ARX: variants seen among roughly 807,000 people sequenced by gnomAD.
ARX encodes aristaless related homeobox, also known as homeobox protein ARX.
In ARX, 1 loss-of-function variant was observed where a neutral mutation model predicts 23.1. That is an observed-to-expected ratio of 0.04 (90% CI 0.02 to 0.21). The LOEUF (loss-of-function observed/expected upper bound fraction) is 0.21, where lower values mean the gene tolerates loss of function less well. ARX is among the 10% of genes least tolerant of loss of function. The pLI is 1.00. For missense variants in ARX, 380 were observed against 527.5 expected, an observed-to-expected ratio of 0.72 and a Z score of 2.74; for synonymous variants, 301 against 270.1, an observed-to-expected ratio of 1.11 and a Z score of -1.12.
intron 2 of ARX, among the ~76,000 whole-genome samples, chrX:25,012,252 A>T (rs755481337): frequency 8.9e-6 from 1 of 112,909 alleles, no homozygotes; most frequent in Non-Finnish European, 1.9e-5. Flanking sequence ...GACAGAGAGT[A>T]GAAGGGGAGA....
intron 3 of ARX, 66 bp downstream of exon 3, chrX:25,010,194 C>CCA: frequency 2.9e-5 from 32 of 1,109,708 alleles, no homozygotes; most frequent in Non-Finnish European, 3.7e-5. Context: ...GCCACCAACC[C>CCA]ATCTCTCTCT....
chrX:25,005,484 C>T (rs1310461657), intron 4 of ARX, among the ~76,000 whole-genome samples: 1 of 112,578 alleles, frequency 8.9e-6, no homozygotes, highest in Non-Finnish European at 1.9e-5. Flanking sequence ...GCCTCCCGGG[C>T]CACCCGCGCC....
intron 4 of ARX, 62 bp from the exon 5 acceptor site, chrX:25,004,972 C>A (rs1476303726): frequency 4.4e-5 from 46 of 1,052,167 alleles, no homozygotes; most frequent in Non-Finnish European, 5.6e-5. Context: ...CCTCGGGCAG[C>A]GTCTCCCGCC....
chrX:25,013,333 G>A lies in ARX; in HGVS notation c.662C>T (p.Thr221Ile), dbSNP rs1017790646. ...PGSAPAAGGG[T>I]GTEDDEEELL... ...CTCCTCCTCGTCGTCCTCGGTGCCG[G>A]TGCCACCACCCGCAGCCGGGGCGCT... is the stretch of plus-strand genomic sequence containing the variant. The change falls in exon 2 of 5, where the codon ACC becomes ATC. Residue 221 changes from threonine (T) to isoleucine (I), a missense_variant. Physicochemically the swap from Thr to Ile is moderately conservative, Grantham distance 89. Transcript: ENST00000379044. The A allele has an allele frequency of 8.7e-7, 1 of 1,150,173 alleles. No homozygotes were observed. The highest frequency in any genetic ancestry group is 1.1e-6 in the Non-Finnish European group (1 of 870,772). 94.8% of individuals were successfully genotyped at this position (1,150,173 alleles called of 1,213,427 possible).
Position 25,007,350 on chromosome X carries a change from C to A in ARX, c.1209G>T (p.Pro403=). The A allele has an allele frequency of 2.6e-6, 3 of 1,144,383 alleles. No homozygotes were observed. The highest frequency in any genetic ancestry group is 3.5e-6 in the Non-Finnish European group (3 of 867,514). 94.3% of individuals were successfully genotyped at this position (1,144,383 alleles called of 1,213,427 possible). ...GGCTGAGCGGGTGGGTGGCGGAGAGCGGCCCCGGGAAGGGCAGCCCAGGGG... is the reference window on the plus strand; with the variant it reads ...GGCTGAGCGGGTGGGTGGCGGAGAGAGGCCCCGGGAAGGGCAGCCCAGGGG... ...THPPGLPFPG[P]LSATHPLSPY... The change falls in exon 4 of 5, where the codon CCG becomes CCT. Residue 403 remains proline, a synonymous_variant. Coordinates refer to ENST00000379044, the MANE Select transcript of ARX (RefSeq NM_139058.3).
intron 4 of ARX, among the ~76,000 whole-genome samples, chrX:25,005,472 C>G (rs2048673917): frequency 8.9e-6 from 1 of 112,605 alleles, no homozygotes. Context: ...CCTAGCTCGC[C>G]GGCCTCCCGG....
At position 25,015,722 on chromosome X, in the gene ARX, G is replaced by C. The variant is rs1250470945; in HGVS notation, c.16C>G (p.Gln6Glu). The change falls in exon 1 of 5, where the codon CAG (glutamine) becomes GAG (glutamate). Residue 6 changes from glutamine to glutamate, a missense_variant. By Grantham distance (29) the Gln-to-Glu change is conservative (BLOSUM62 2). Around this residue, in one of 3 missense-constraint regions of ARX, gnomAD observed 235 missense variants for 270.2 expected, o/e 0.87. Coordinates refer to ENST00000379044, the MANE Select transcript of ARX (RefSeq NM_139058.3). ...GGCCTCTCGGAGCAGCCCTCCTCCTGGTACTGATTGCTCATGGCTGGGGCT... is the reference window on the plus strand; with the variant it reads ...GGCCTCTCGGAGCAGCCCTCCTCCTCGTACTGATTGCTCATGGCTGGGGCT... MSNQY[Q>E]EEGCSERPEC... 8.4e-7 allele frequency: 1 copy of C among 1,197,251 alleles called. No homozygotes were observed. Among genetic ancestry groups the C allele is most frequent in the Non-Finnish European group, 1.1e-6 (1 of 887,378 alleles).
chrX:25,011,238 T>C (rs2048701278), intron 2 of ARX, among the ~76,000 whole-genome samples: 1 of 111,782 alleles, frequency 8.9e-6, no homozygotes, highest in African/African-American at 3.3e-5. Context: ...GCACCAGAGG[T>C]AAACCGTCTC....
chrX:25,012,861 C>A, intron 2 of ARX, 61 bp downstream of exon 2: 1 of 1,175,914 alleles, frequency 8.5e-7, no homozygotes, highest in Non-Finnish European at 1.1e-6. Context: ...AGCCCGCTGT[C>A]CCTCCCTGGG....
At chrX:25,010,867 AC>A (rs2048699339) in intron 2 of ARX, among the ~76,000 whole-genome samples, 1 of 108,973 alleles carries the variant, frequency 9.2e-6, no homozygotes, top group African/African-American at 3.4e-5. Flanking sequence ...CCCTTGGGTC[AC>A]ACTCCCCATT....
rs777179729 is a variant in ARX, at chrX:25,004,838, G to T, written c.1521C>A (p.Ala507=). The T allele has an allele frequency of 1.5e-5, 17 of 1,164,896 alleles. No homozygotes were observed. The Admixed American group carries it at 4.3e-4, about 29-fold the overall frequency. The change falls in exon 5 of 5, where the codon GCC becomes GCA. Residue 507 remains alanine, a synonymous_variant. Transcript: ENST00000379044. ...AAALLRQPTP[A]VEGAVASGAL... is the part of the protein sequence containing the mutation. ...CGCCCGATGCCACTGCGCCCTCCAC[G>T]GCGGGTGTGGGCTGTCTCAGGAGCG...
Position 25,004,739 on chromosome X carries a change from C to T in ARX, c.1620G>A (p.Lys540=). Residue 540 remains lysine, a synonymous_variant, in exon 5 of 5, where the codon AAG becomes AAA. Coordinates refer to ENST00000379044, the MANE Select transcript of ARX (RefSeq NM_139058.3). ...GCTGCGTGAGCTGCGCCGCGTGCTC[C>T]TTGGCCTTGAGCCTCAGCGCGGCTA... ...SSIAALRLKA[K]EHAAQLTQLN... 8.6e-7 allele frequency: 1 copy of T among 1,167,551 alleles called. No individual in the cohort carries two copies. Among genetic ancestry groups the T allele is most frequent in the Non-Finnish European group, 1.1e-6 (1 of 873,547 alleles).
intron 4 of ARX, among the ~76,000 whole-genome samples, chrX:25,006,314 T>C (rs1471746732): frequency 1.8e-5 from 2 of 112,610 alleles, no homozygotes; most frequent in Non-Finnish European, 3.8e-5. Context: ...CTTAATTTTC[T>C]GTAAGATGAT....
rs746914590 is a variant in ARX, at chrX:25,012,742, G to A, written c.1073+180C>T. On this transcript the variant is annotated intron_variant, in intron 2 of 4. Transcript: ENST00000379044. ...TAAACTTAAAGCCCGAACCGGGGTG[G>A]GGGTCGGGGGAGTGGGTAGTTTGGG... 2.4e-4 allele frequency among the ~76,000 whole-genome samples: 27 copies of A among 112,649 alleles called. No individual in the cohort carries two copies. In the East Asian group the frequency reaches 7.6e-3, roughly 32 times the overall value.
intron 2 of ARX, among the ~76,000 whole-genome samples, chrX:25,012,715 C>G (rs1162534719): frequency 8.9e-6 from 1 of 112,846 alleles, no homozygotes; most frequent in Non-Finnish European, 1.9e-5. Context: ...ACCATTCCAG[C>G]CTAAACTTAA....
intron 3 of ARX, among the ~76,000 whole-genome samples, chrX:25,008,715 A>C (rs2147321250): frequency 8.9e-6 from 1 of 112,481 alleles, no homozygotes; most frequent in African/African-American, 3.2e-5. Flanking sequence ...AAATTATCCC[A>C]GAGGAATATA....
chrX:25,007,238 A>AGGCGGCGGC lies in ARX; in HGVS notation c.1312_1320dup (p.Ala438_Ala440dup), dbSNP rs398124508. The AGGCGGCGGC allele has an allele frequency of 9.8e-6, 11 of 1,126,826 alleles. No homozygotes were observed. The highest frequency in any genetic ancestry group is 6.1e-5 in the Admixed American group (2 of 32,839). The allele number at this position is 1,126,826 out of a possible 1,213,427, so 92.9% of individuals were successfully genotyped here. On this transcript the variant is annotated inframe_insertion, in exon 4 of 5. Transcript: ENST00000379044. ...CCCGGAGGCGGAGGTAGGCTCGGGAAGGCGGCGGCGGCGGCGGCGGCAGCG... is the reference window on the plus strand; with the variant it reads ...CCCGGAGGCGGAGGTAGGCTCGGGAAGGCGGCGGCGGCGGCGGCGGCGGCGGCGGCAGCG...
rs1601946603 is a variant in ARX, at chrX:25,007,333, G to T, written c.1226C>A (p.Pro409Gln). 1 of 1,143,171 alleles carries T rather than the reference G, an allele frequency of 8.7e-7. No individual in the cohort carries two copies. Among genetic ancestry groups the T allele is most frequent in the Non-Finnish European group, 1.2e-6 (1 of 866,601 alleles). The allele number at this position is 1,143,171 out of a possible 1,213,427, so 94.2% of individuals were successfully genotyped here. Residue 409 changes from proline (P) to glutamine (Q), a missense_variant, in exon 4 of 5, where the codon CCG (proline) becomes CAG (glutamine). Pro to Gln is a moderately conservative substitution (Grantham distance 76). Transcript: ENST00000379044. ...PFPGPLSATHPLSPYLDASPF... is the reference protein window; with the variant it reads ...PFPGPLSATHQLSPYLDASPF... Reference sequence around the variant, plus strand: ...GCTGGCGTCCAGGTAGGGGCTGAGCGGGTGGGTGGCGGAGAGCGGCCCCGG... The same window carrying T: ...GCTGGCGTCCAGGTAGGGGCTGAGCTGGTGGGTGGCGGAGAGCGGCCCCGG...
Position 25,015,814 on chromosome X carries a change from G to A in ARX, c.-77C>T. 9.9e-7 allele frequency: 1 copy of A among 1,005,910 alleles called. No individual in the cohort carries two copies. The highest frequency in any genetic ancestry group is 3.3e-5 in the East Asian group (1 of 30,194). The allele number at this position is 1,005,910 out of a possible 1,213,427, so 82.9% of individuals were successfully genotyped here. ...CGGAGGGTGGGATGGATGGGTGTGT[G>A]TTGGGGGTGGGGTTAGATAGCGGGT... On this transcript the variant is annotated 5_prime_UTR_variant, in exon 1 of 5. Transcript: ENST00000379044.
Sources: allele counts gnomAD v4.1 joint callset (sites outside exome capture counted in the v4.1 genomes callset), GRCh38; gene constraint gnomAD v4.1.1; regional missense constraint gnomAD v4.1.1; transcripts MANE v1.5; gene names NCBI Gene and HGNC (gene_info 2026-07-23, HGNC 2026-07-21).